Variants in BTBD9 observed in about 807,000 individuals in gnomAD.
BTBD9 encodes BTB/POZ domain-containing protein 9.
BTBD9 carries 49 observed loss-of-function variants against 64.3 expected under a neutral mutation model. The observed-to-expected ratio is 0.76, with a 90% CI of 0.61 to 0.97. BTBD9 has a LOEUF of 0.97. BTBD9 is among the 50% of genes least tolerant of loss of function. The pLI, the probability that BTBD9 is intolerant of heterozygous loss-of-function variation, is 0.00. For missense variants in BTBD9, 598 were observed against 762.1 expected (o/e 0.78, Z 2.53); for synonymous variants, 260 against 274.7 (o/e 0.95, Z 0.53).
In BTBD9 at chr6:38,542,898, C is replaced by G. The variant is rs73412303; in HGVS notation, c.1154+34702G>C. Among the ~76,000 whole-genome samples the G allele has an allele frequency of 6.4e-3, 973 of 152,302 alleles. 10 individuals are homozygous for G. The highest frequency in any genetic ancestry group is 0.022 in the African/African-American group (914 of 41,546). On this transcript the variant is annotated intron_variant, in intron 6 of 10. Coordinates refer to ENST00000481247, the MANE Select transcript of BTBD9 (RefSeq NM_001099272.2). The stretch of plus-strand genomic sequence containing the variant: ...GTACTACCTGGCCACTGAAAGCAAA[C>G]GAGTTTGTGAACTACTTTCTGTTTT...
intron 9 of BTBD9, among the ~76,000 whole-genome samples, chr6:38,224,947 T>C (rs1186427249): frequency 2.0e-5 from 3 of 152,228 alleles, no homozygotes; most frequent in African/African-American, 7.2e-5. Flanking sequence ...TATTCATAAA[T>C]GTGAGTCAGA....
intron 6 of BTBD9, among the ~76,000 whole-genome samples, chr6:38,489,502 A>T (rs1771600990): frequency 6.6e-6 from 1 of 151,812 alleles, no homozygotes; most frequent in Non-Finnish European, 1.5e-5. Context: ...TAATTACAGT[A>T]TTTTTTTTCA....
At chr6:38,268,552 C>T (rs1488715298) in intron 8 of BTBD9, among the ~76,000 whole-genome samples, 1 of 152,204 alleles carries the variant, frequency 6.6e-6, no homozygotes, top group Non-Finnish European at 1.5e-5. Context: ...CCTGTTCAAT[C>T]ACGTAATCTC....
rs1764909381 is a variant in BTBD9, at chr6:38,360,566, CA to C, written c.1155-15474del. On this transcript the variant is annotated intron_variant, in intron 6 of 10. Coordinates refer to ENST00000481247, the MANE Select transcript of BTBD9 (RefSeq NM_001099272.2). ...GAATGGTACATAATCCAGACACAGA[CA>C]ACCAGGAAAGGCTTCCCAGATGTGA... is the stretch of plus-strand genomic sequence containing the variant. 2.0e-5 allele frequency among the ~76,000 whole-genome samples: 3 copies of C among 152,190 alleles called. No individual in the cohort carries two copies. The South Asian group carries it at 6.2e-4, about 32-fold the overall frequency.
chr6:38,303,928 T>TATAC (rs567002929), intron 7 of BTBD9, among the ~76,000 whole-genome samples: 9 of 138,912 alleles, frequency 6.5e-5, no homozygotes, highest in African/African-American at 2.5e-4. Context: ...TATATATATA[T>TATAC]ACACGTGTGT....
chr6:38,599,767 T>C (rs2127499160), intron 1 of BTBD9, among the ~76,000 whole-genome samples: 1 of 152,350 alleles, frequency 6.6e-6, no homozygotes, highest in Admixed American at 6.5e-5. Flanking sequence ...AAGATCTTCA[T>C]GGACCAAGTT....
intron 6 of BTBD9, among the ~76,000 whole-genome samples, chr6:38,485,260 A>G (rs1336121001): frequency 2.6e-5 from 4 of 152,200 alleles, no homozygotes; most frequent in Non-Finnish European, 1.5e-5. Flanking sequence ...TACTGCTGTT[A>G]ATATTTTGAC....
intron 4 of BTBD9, chr6:38,587,460 CA>C: frequency 1.8e-6 from 1 of 547,006 alleles, no homozygotes; most frequent in Admixed American, 2.2e-5. Context: ...AACGAGTTTT[CA>C]GGGGAAAACT....
intron 10 of BTBD9, among the ~76,000 whole-genome samples, chr6:38,183,777 C>G (rs1761688850): frequency 6.6e-6 from 1 of 152,230 alleles, no homozygotes; most frequent in South Asian, 2.1e-4. Flanking sequence ...CAGTCACAGC[C>G]TTGATGCCAT....
At chr6:38,314,785 G>C (rs1378182867) in intron 7 of BTBD9, among the ~76,000 whole-genome samples, 2 of 152,136 alleles carry the variant, frequency 1.3e-5, no homozygotes, top group Admixed American at 1.3e-4. Context: ...GCTTATAGCA[G>C]CCTCTAATGA....
chr6:38,631,237 C>T (rs1778349972), intron 1 of BTBD9, among the ~76,000 whole-genome samples: 1 of 152,192 alleles, frequency 6.6e-6, no homozygotes, highest in Admixed American at 6.5e-5. Flanking sequence ...TTCTTCAGAG[C>T]ATTTCCAGAA....
At chr6:38,438,229 AG>A (rs1768837622) in intron 6 of BTBD9, among the ~76,000 whole-genome samples, 4 of 61,282 alleles carry the variant, frequency 6.5e-5, no homozygotes, top group Non-Finnish European at 1.2e-4. Flanking sequence ...GGAGGGAGGG[AG>A]GGAGGGAGGG....
chr6:38,627,367 A>T (rs982240969), intron 1 of BTBD9, among the ~76,000 whole-genome samples: 1 of 152,268 alleles, frequency 6.6e-6, no homozygotes, highest in African/African-American at 2.4e-5. Context: ...GATATGGAAC[A>T]GCCTCCAAGA....
chr6:38,451,238 C>T (rs551625815), intron 6 of BTBD9, among the ~76,000 whole-genome samples: 1 of 152,278 alleles, frequency 6.6e-6, no homozygotes, highest in South Asian at 2.1e-4. Flanking sequence ...CCATTTTATT[C>T]TCATTGCCCA....
At chr6:38,604,475 G>A (rs1687284295) in intron 1 of BTBD9, among the ~76,000 whole-genome samples, 1 of 152,098 alleles carries the variant, frequency 6.6e-6, no homozygotes, top group African/African-American at 2.4e-5. Context: ...GATTTATTGA[G>A]CTCTCTCTAC....
In BTBD9 at chr6:38,471,665, A is replaced by G. The variant is rs6458055; in HGVS notation, c.1154+105935T>C. ...CTCCCAAAGGGCTGGGATTACAGGT[A>G]TGAGCCACTGTGCCCACCTGTGACT... On this transcript the variant is annotated intron_variant, in intron 6 of 10. Transcript: ENST00000481247. Among the ~76,000 whole-genome samples the G allele has an allele frequency of 4.1e-3, 627 of 152,204 alleles. 2 individuals carry two copies. The highest frequency in any genetic ancestry group is 0.015 in the African/African-American group (603 of 41,524).
chr6:38,381,641 A>G (rs935175794), intron 6 of BTBD9, among the ~76,000 whole-genome samples: 2 of 152,154 alleles, frequency 1.3e-5, no homozygotes, highest in African/African-American at 4.8e-5. Context: ...AAAAATATAC[A>G]TTCTTTTCAA....
At chr6:38,414,693 T>C (rs1408135248) in intron 6 of BTBD9, among the ~76,000 whole-genome samples, 1 of 152,206 alleles carries the variant, frequency 6.6e-6, no homozygotes, top group Non-Finnish European at 1.5e-5. Context: ...TGTAACTGAC[T>C]ACCCCATTCT....
intron 9 of BTBD9, among the ~76,000 whole-genome samples, chr6:38,254,450 A>C (rs1764505735): frequency 6.6e-6 from 1 of 151,790 alleles, no homozygotes; most frequent in African/African-American, 2.4e-5. Context: ...CTGTCTCTAC[A>C]AAAACAAACA....
Sources: allele counts gnomAD v4.1 joint callset (sites outside exome capture counted in the v4.1 genomes callset), GRCh38; gene constraint gnomAD v4.1.1; transcripts MANE v1.5; gene names NCBI Gene and HGNC (gene_info 2026-07-23, HGNC 2026-07-21).